The following MTRF1 variants were observed in gnomAD, a reference collection of about 807,000 sequenced individuals.
MTRF1 encodes the protein peptide chain release factor 1, mitochondrial.
In MTRF1, 51 loss-of-function variants were observed where a neutral mutation model predicts 62.9. The observed-to-expected ratio is 0.81, with a 90% CI of 0.65 to 1.02. MTRF1 has a LOEUF of 1.02. MTRF1 is among the 50% of genes least tolerant of loss of function. The pLI is 0.00. For synonymous variants in MTRF1, 158 were observed against 181.9 expected, an observed-to-expected ratio of 0.87 and a Z score of 1.06; for missense variants, 446 against 530.0, an observed-to-expected ratio of 0.84 and a Z score of 1.56.
chr13:41,309,764 A>C, the MTRF1 span, among the ~76,000 whole-genome samples: 1 of 152,168 alleles, frequency 6.6e-6, no homozygotes, highest in Non-Finnish European at 1.5e-5. Context: ...TGGAAGGCCG[A>C]GGTGGGCAGA....
At chr13:41,250,578 G>A (rs1271322449) in intron 5 of MTRF1, among the ~76,000 whole-genome samples, 6 of 150,752 alleles carry the variant, frequency 4.0e-5, no homozygotes, top group Admixed American at 2.7e-4. Context: ...ACTGCAACCC[G>A]TGCCTCCTGG....
the MTRF1 span, among the ~76,000 whole-genome samples, chr13:41,307,613 CT>C: frequency 6.7e-6 from 1 of 148,998 alleles, no homozygotes. Context: ...GAGGCTCCAT[CT>C]CAAAAAAAAA....
At chr13:41,240,843 T>C (rs2037395190) in intron 5 of MTRF1, among the ~76,000 whole-genome samples, 1 of 152,214 alleles carries the variant, frequency 6.6e-6, no homozygotes, top group African/African-American at 2.4e-5. Flanking sequence ...ACTGGGATGT[T>C]TTCTGTATTG....
the MTRF1 span, among the ~76,000 whole-genome samples, chr13:41,271,687 C>T: frequency 8.2e-4 from 125 of 152,208 alleles, 1 homozygote; most frequent in African/African-American, 2.6e-3. Context: ...CCAGTAGGGC[C>T]GCTGCACATC....
intron 2 of MTRF1, among the ~76,000 whole-genome samples, chr13:41,258,236 T>C (rs909983014): frequency 6.6e-6 from 1 of 152,174 alleles, no homozygotes; most frequent in Non-Finnish European, 1.5e-5. Context: ...ACTTTACAGG[T>C]ATAACAGTGA....
upstream of MTRF1, among the ~76,000 whole-genome samples, chr13:41,266,023 T>C (rs1310532490): frequency 6.6e-6 from 1 of 152,156 alleles, no homozygotes; most frequent in African/African-American, 2.4e-5. Context: ...CTAATTTTTG[T>C]ATTTTTAGTA....
chr13:41,261,132 G>C (rs540935508), intron 1 of MTRF1, among the ~76,000 whole-genome samples: 2 of 152,164 alleles, frequency 1.3e-5, no homozygotes, highest in African/African-American at 4.8e-5. Flanking sequence ...GCAGGAGTTC[G>C]AGACCAGCCC....
chr13:41,240,028 T>C (rs372291713), intron 6 of MTRF1, among the ~76,000 whole-genome samples: 12 of 152,142 alleles, frequency 7.9e-5, no homozygotes, highest in African/African-American at 2.4e-4. Context: ...CCAGGCATGG[T>C]GGCGTGTACC....
chr13:41,309,666 G>A, the MTRF1 span, among the ~76,000 whole-genome samples: 1 of 152,072 alleles, frequency 6.6e-6, no homozygotes, highest in Non-Finnish European at 1.5e-5. Context: ...AGACTCCTAT[G>A]ATTCTTTCAT....
intron 2 of MTRF1, among the ~76,000 whole-genome samples, chr13:41,255,000 A>C (rs1172984627): frequency 6.6e-6 from 1 of 152,210 alleles, no homozygotes; most frequent in African/African-American, 2.4e-5. Flanking sequence ...TGATTAATCA[A>C]ACAGGTTTAA....
At chr13:41,281,918 C>T in the MTRF1 span, among the ~76,000 whole-genome samples, 3 of 152,002 alleles carry the variant, frequency 2.0e-5, no homozygotes, top group Admixed American at 6.6e-5. Flanking sequence ...GGGCAGATCA[C>T]GAGGTCAGGA....
chr13:41,236,898 G>A (rs987884932), intron 6 of MTRF1, among the ~76,000 whole-genome samples: 4 of 152,048 alleles, frequency 2.6e-5, no homozygotes, highest in African/African-American at 9.7e-5. Context: ...ATAGTGAAAT[G>A]CCACTGAATG....
the MTRF1 span, among the ~76,000 whole-genome samples, chr13:41,299,163 A>T: frequency 4.6e-5 from 7 of 151,468 alleles, no homozygotes; most frequent in Non-Finnish European, 4.4e-5. Context: ...ACTGCACTCC[A>T]GCCTGGGTGA....
chr13:41,288,824 A>T, the MTRF1 span, among the ~76,000 whole-genome samples: 1 of 152,236 alleles, frequency 6.6e-6, no homozygotes, highest in Non-Finnish European at 1.5e-5. Context: ...GTCGTAAAGC[A>T]GCGGAGACAA....
chr13:41,269,185 G>GTTTTTTTTTTTTTTTTTTTTTTTTT, the MTRF1 span, among the ~76,000 whole-genome samples: 2 of 96,464 alleles, frequency 2.1e-5, no homozygotes, highest in African/African-American at 4.1e-5. Context: ...CTTTTACCTT[G>GTTTTTTTTTTTTTTTTTTTTTTTTT]TTTTTTTTTT....
intron 5 of MTRF1, among the ~76,000 whole-genome samples, chr13:41,250,744 G>A (rs776294908): frequency 1.3e-5 from 2 of 152,092 alleles, no homozygotes; most frequent in Admixed American, 6.5e-5. Flanking sequence ...GGGATTATAG[G>A]CGTGAGCCAC....
chr13:41,248,228 T>C (rs2038543825), intron 5 of MTRF1, among the ~76,000 whole-genome samples: 1 of 152,114 alleles, frequency 6.6e-6, no homozygotes, highest in Admixed American at 6.6e-5. Context: ...TTCAAGTGAT[T>C]CTCCTATCTC....
chr13:41,259,032 A>T (rs763821177), intron 2 of MTRF1, among the ~76,000 whole-genome samples: 1 of 152,224 alleles, frequency 6.6e-6, no homozygotes. Context: ...CAACATCATT[A>T]ATCTTCAGGA....
At chr13:41,311,654 C>T in the MTRF1 span, 3 of 1,433,596 alleles carry the variant, frequency 2.1e-6, no homozygotes, top group Admixed American at 2.0e-5. Context: ...AGCGGTCTGG[C>T]GGCGGCCGGC....
Sources: gnomAD v4.1 joint callset for allele counts (sites outside exome capture counted in the v4.1 genomes callset) on GRCh38, gnomAD v4.1.1 for gene constraint, MANE v1.5 for transcripts, NCBI Gene and HGNC (gene_info 2026-07-23, HGNC 2026-07-21) for gene names.